The following HPD variants were observed in gnomAD, a reference collection of about 807,000 sequenced individuals.
HPD encodes the protein 4-hydroxyphenylpyruvic acid oxidase.
In HPD, 35 loss-of-function variants were observed where a neutral mutation model predicts 56.9. That is an observed-to-expected ratio of 0.62 (90% CI 0.47 to 0.82). The LOEUF is 0.82. Among genes scored for constraint, HPD ranks in the 40% least tolerant of loss-of-function variants. HPD has a pLI of 0.00. For missense variants in HPD, 442 were observed against 506.8 expected, an observed-to-expected ratio of 0.87 and a Z score of 1.23; for synonymous variants, 186 against 200.2, an observed-to-expected ratio of 0.93 and a Z score of 0.60.
chr12:121,867,258 A>G (rs545766903), upstream of HPD, among the ~76,000 whole-genome samples: 2 of 151,738 alleles, frequency 1.3e-5, no homozygotes, highest in Non-Finnish European at 1.5e-5. Context: ...AGGCTGACGC[A>G]TGAGAATCGC....
chr12:121,883,138 G>T, the HPD span, among the ~76,000 whole-genome samples: 3 of 150,104 alleles, frequency 2.0e-5, no homozygotes, highest in African/African-American at 7.4e-5. Context: ...AGCAAAAAAC[G>T]TGCCAGAAAC....
intron 12 of HPD, 73 bp downstream of exon 12, chr12:121,843,637 C>T: frequency 6.3e-7 from 1 of 1,582,902 alleles, no homozygotes; most frequent in Middle Eastern, 1.9e-4. Flanking sequence ...CGGGCTGAGA[C>T]AATATTTCTG....
intron 12 of HPD, among the ~76,000 whole-genome samples, chr12:121,843,347 C>T (rs1337212804): frequency 1.3e-5 from 2 of 152,244 alleles, no homozygotes; most frequent in South Asian, 2.1e-4. Context: ...GCTCCTACCT[C>T]GGCCCTTGCT....
chr12:121,883,656 C>T, the HPD span, among the ~76,000 whole-genome samples: 13 of 151,242 alleles, frequency 8.6e-5, no homozygotes, highest in African/African-American at 2.4e-4. Flanking sequence ...TTCCCCCACA[C>T]AACCAACTTT....
the HPD span, among the ~76,000 whole-genome samples, chr12:121,882,852 C>T: frequency 6.6e-6 from 1 of 152,178 alleles, no homozygotes; most frequent in Non-Finnish European, 1.5e-5. Flanking sequence ...CCTGCCTCAG[C>T]CTCCTGAGTA....
chr12:121,858,932 A>G, upstream of HPD: 1 of 1,337,270 alleles, frequency 7.5e-7, no homozygotes, highest in Non-Finnish European at 1.1e-6. Flanking sequence ...TACCTGGGGG[A>G]TGGGGTGGGG....
the HPD span, among the ~76,000 whole-genome samples, chr12:121,869,454 T>C: frequency 2.4e-4 from 36 of 151,582 alleles, no homozygotes; most frequent in African/African-American, 8.7e-4. Flanking sequence ...GCCAAAGTAC[T>C]GGGATTATAG....
chr12:121,874,798 G>A, the HPD span, among the ~76,000 whole-genome samples: 3 of 147,112 alleles, frequency 2.0e-5, no homozygotes, highest in Non-Finnish European at 4.5e-5. Flanking sequence ...TTTCGCTCTT[G>A]TTACCCAGGC....
chr12:121,861,843 T>C (rs1409015941), upstream of HPD, among the ~76,000 whole-genome samples: 1 of 152,156 alleles, frequency 6.6e-6, no homozygotes, highest in Non-Finnish European at 1.5e-5. Flanking sequence ...TTGGCTTAGC[T>C]ACTGCAGAAG....
chr12:121,858,913 C>CAGGAG, upstream of HPD: 1 of 1,505,440 alleles, frequency 6.6e-7, no homozygotes, highest in Non-Finnish European at 9.2e-7. Context: ...CCGCCCAGGC[C>CAGGAG]TCCTGGCCTA....
chr12:121,888,218 C>T, the HPD span, among the ~76,000 whole-genome samples: 3 of 152,136 alleles, frequency 2.0e-5, no homozygotes, highest in Admixed American at 1.3e-4. Flanking sequence ...GTATATGGCT[C>T]ATAGGAATCA....
At chr12:121,884,460 G>A in the HPD span, among the ~76,000 whole-genome samples, 5 of 151,516 alleles carry the variant, frequency 3.3e-5, no homozygotes, top group Non-Finnish European at 5.9e-5. Flanking sequence ...ATCATGCCTG[G>A]TCCTCCGCTA....
At chr12:121,850,472 CTTTT>C (rs572420297) in intron 7 of HPD, among the ~76,000 whole-genome samples, 1 of 120,160 alleles carries the variant, frequency 8.3e-6, no homozygotes. Flanking sequence ...CTTTAACCAT[CTTTT>C]TTTTTTTTTT....
the HPD span, among the ~76,000 whole-genome samples, chr12:121,870,200 A>T: frequency 6.6e-6 from 1 of 152,140 alleles, no homozygotes; most frequent in Non-Finnish European, 1.5e-5. Context: ...AATAATGTTA[A>T]CACAAACTAA....
At chr12:121,857,626 A>G in intron 3 of HPD, 131 bp downstream of exon 3, 1 of 873,974 alleles carries the variant, frequency 1.1e-6, no homozygotes, top group Non-Finnish European at 1.9e-6. Flanking sequence ...TAGGATTCAG[A>G]GTATCTGGCC....
intron 2 of HPD, 130 bp from the exon 3 acceptor site, chr12:121,857,949 C>T: frequency 1.3e-6 from 1 of 744,764 alleles, no homozygotes; most frequent in Non-Finnish European, 2.4e-6. Context: ...AGCGGAACCC[C>T]ATGCAGCCTT....
chr12:121,877,469 C>T, the HPD span, among the ~76,000 whole-genome samples: 9 of 151,994 alleles, frequency 5.9e-5, no homozygotes, highest in Non-Finnish European at 8.8e-5. Context: ...CGGTGGTTCA[C>T]GCCTGTAGTC....
In HPD at chr12:121,843,842, A is replaced by G. The variant is rs1297515641; in HGVS notation, c.832-10T>C. 1 of 1,614,058 alleles carries G rather than the reference A, an allele frequency of 6.2e-7. No homozygotes were observed. Among genetic ancestry groups the G allele is most frequent in the Non-Finnish European group, 8.5e-7 (1 of 1,179,982 alleles). On this transcript the variant is annotated splice_polypyrimidine_tract_variant and intron_variant, in intron 11 of 13. Coordinates refer to ENST00000289004, the MANE Select transcript of HPD (RefSeq NM_002150.3). ...CTCTCAAGTGGCGAATCTGTTTCAG[A>G]GCAAAGCTGAGGTCAGCCTTCGGCC...
chr12:121,855,822 T>C (rs1877972106), intron 6 of HPD, among the ~76,000 whole-genome samples: 1 of 151,520 alleles, frequency 6.6e-6, no homozygotes, highest in South Asian at 2.1e-4. Flanking sequence ...AATACAAAAC[T>C]AGCCGGGCGT....
Sources: gnomAD v4.1 joint callset for allele counts (sites outside exome capture counted in the v4.1 genomes callset) on GRCh38, gnomAD v4.1.1 for gene constraint, MANE v1.5 for transcripts, NCBI Gene and HGNC (gene_info 2026-07-23, HGNC 2026-07-21) for gene names.